Variants in RYR2 observed in about 807,000 individuals in gnomAD.
RYR2 encodes ryanodine receptor 2, also known as cardiac muscle ryanodine receptor-calcium release channel.
RYR2 carries 227 observed loss-of-function variants against 601.1 expected under a neutral mutation model. The observed-to-expected ratio is 0.38, with a 90% CI of 0.34 to 0.42. RYR2 has a LOEUF of 0.42. Among genes scored for constraint, RYR2 ranks in the 10% least tolerant of loss-of-function variants. The pLI is 1.00. For synonymous variants in RYR2, 2,223 were observed against 2,175.1 expected, an observed-to-expected ratio of 1.02 and a Z score of -0.61; for missense variants, 4,646 against 6,156.5, an observed-to-expected ratio of 0.75 and a Z score of 8.21.
At chr1:237,391,803 G>A (rs897332561) in intron 10 of RYR2, among the ~76,000 whole-genome samples, 48 of 152,204 alleles carry the variant, frequency 3.2e-4, no homozygotes, top group Middle Eastern at 6.8e-3. Context: ...CTCTTAGAAT[G>A]AAGAGCATAT....
chr1:237,424,534 A>G (rs1705931945), intron 12 of RYR2, among the ~76,000 whole-genome samples: 1 of 152,230 alleles, frequency 6.6e-6, no homozygotes, highest in Non-Finnish European at 1.5e-5. Context: ...AGTACCATGT[A>G]TAATATATTC....
In RYR2 at chr1:237,263,215, T is replaced by C. The variant is rs142866020; in HGVS notation, c.49-7282T>C. Among the ~76,000 whole-genome samples the C allele has an allele frequency of 4.1e-3, 629 of 152,246 alleles. 5 individuals carry two copies. Among genetic ancestry groups the C allele is most frequent in the African/African-American group, 0.014 (580 of 41,548 alleles). Reference sequence around the variant, plus strand: ...TGGGATCATACAATACCAGCTTTGATTGGAAATTAAATAAGATCTTACCTT... The same window carrying C: ...TGGGATCATACAATACCAGCTTTGACTGGAAATTAAATAAGATCTTACCTT... On this transcript the variant is annotated intron_variant, in intron 1 of 104. Transcript: ENST00000366574.
Position 237,380,407 on chromosome 1 carries a change from TATATATATATATATA to T in RYR2, c.576+2973_576+2987del, listed in dbSNP as rs1701400384. Among the ~76,000 whole-genome samples the T allele has an allele frequency of 3.6e-4, 13 of 36,124 alleles. 1 individual carries two copies. Among genetic ancestry groups the T allele is most frequent in the African/African-American group, 1.3e-3 (13 of 9,798 alleles). The allele number at this position is 36,124 out of a possible 152,430, so 23.7% of individuals were successfully genotyped here. A position where few individuals can be genotyped will look rare whatever the true frequency, so the allele number is the denominator to read the frequency against. On this transcript the variant is annotated intron_variant, in intron 8 of 104. Coordinates refer to ENST00000366574, the MANE Select transcript of RYR2 (RefSeq NM_001035.3). ...ATATATATATATATATATATATATA[TATATATATATATATA>T]GTAAATACGAAGTCTGGTGAGTATG... is the stretch of plus-strand genomic sequence containing the variant.
intron 1 of RYR2, among the ~76,000 whole-genome samples, chr1:237,126,895 A>G (rs1171421198): frequency 6.6e-6 from 1 of 151,352 alleles, no homozygotes; most frequent in Non-Finnish European, 1.5e-5. Flanking sequence ...ACAAGTGAAC[A>G]AAGGTCTCTG....
chr1:237,342,316 T>A (rs1246521914), intron 3 of RYR2, among the ~76,000 whole-genome samples: 2 of 110,336 alleles, frequency 1.8e-5, no homozygotes, highest in African/African-American at 6.1e-5. Flanking sequence ...CTAATTAATT[T>A]TTTTTTTTTT....
At position 237,350,571 on chromosome 1, in the gene RYR2, C is replaced by CAA. The variant is rs1167546068; in HGVS notation, c.274-5363_274-5362dup. Among the ~76,000 whole-genome samples the CAA allele has an allele frequency of 2.0e-3, 55 of 26,954 alleles. 2 individuals are homozygous for CAA. Among genetic ancestry groups the CAA allele is most frequent in the East Asian group, 3.2e-3 (3 of 942 alleles). The allele number at this position is 26,954 out of a possible 152,430, so 17.7% of individuals were successfully genotyped here. A position where few individuals can be genotyped will look rare whatever the true frequency, so the allele number is the denominator to read the frequency against. ...GGGTGACAAAAGTAAGACTCTGTCTCAAAAAAAAAAAAAAAAAAAAAAAAA... is the reference window on the plus strand; with the variant it reads ...GGGTGACAAAAGTAAGACTCTGTCTCAAAAAAAAAAAAAAAAAAAAAAAAAAA... On this transcript the variant is annotated intron_variant, in intron 3 of 104. Coordinates refer to ENST00000366574, the MANE Select transcript of RYR2 (RefSeq NM_001035.3).
intron 2 of RYR2, among the ~76,000 whole-genome samples, chr1:237,311,521 C>A (rs1188076680): frequency 6.6e-6 from 1 of 151,534 alleles, no homozygotes; most frequent in Non-Finnish European, 1.5e-5. Context: ...ACTCTGTGAC[C>A]CAGGCTGGTG....
At chr1:237,580,310 G>A (rs1371617946) in intron 29 of RYR2, among the ~76,000 whole-genome samples, 3 of 151,360 alleles carry the variant, frequency 2.0e-5, no homozygotes, top group Admixed American at 6.6e-5. Context: ...CACACACCAC[G>A]ACGCCTGGCT....
chr1:237,627,465 A>C (rs941446725), intron 40 of RYR2, among the ~76,000 whole-genome samples: 1 of 152,236 alleles, frequency 6.6e-6, no homozygotes, highest in African/African-American at 2.4e-5. Flanking sequence ...GAACAAAACA[A>C]ATAAAAGTAG....
At chr1:237,416,710 A>G (rs1431215813) in intron 10 of RYR2, among the ~76,000 whole-genome samples, 1 of 150,282 alleles carries the variant, frequency 6.7e-6, no homozygotes, top group Non-Finnish European at 1.5e-5. Flanking sequence ...TTAGATGAGT[A>G]AGGTGAAATC....
intron 1 of RYR2, among the ~76,000 whole-genome samples, chr1:237,253,305 C>T (rs1259466226): frequency 6.6e-6 from 1 of 152,122 alleles, no homozygotes; most frequent in Non-Finnish European, 1.5e-5. Flanking sequence ...TGGGGTCATG[C>T]CACTAGACCC....
intron 1 of RYR2, among the ~76,000 whole-genome samples, chr1:237,046,513 C>T (rs569157713): frequency 1.3e-5 from 2 of 152,308 alleles, no homozygotes; most frequent in East Asian, 3.9e-4. Flanking sequence ...GATAGATATG[C>T]ACTATGGTAT....
intron 16 of RYR2, among the ~76,000 whole-genome samples, chr1:237,457,225 C>G (rs1046089115): frequency 1.3e-5 from 2 of 152,096 alleles, no homozygotes; most frequent in Admixed American, 1.3e-4. Context: ...TCCTTACATT[C>G]CCATCTAATC....
At chr1:237,193,165 T>TGCAAAAAAAAAAA (rs1402978522) in intron 1 of RYR2, among the ~76,000 whole-genome samples, 16 of 2,746 alleles carry the variant, frequency 5.8e-3, no homozygotes, top group African/African-American at 9.9e-3. Flanking sequence ...CTGCTAAAAG[T>TGCAAAAAAAAAAA]ACAAAAAAAA....
intron 71 of RYR2, among the ~76,000 whole-genome samples, chr1:237,716,754 CCACACACA>C (rs72260792): frequency 2.2e-4 from 32 of 148,420 alleles, no homozygotes; most frequent in South Asian, 4.3e-4. Context: ...ATATATTAGA[CCACACACA>C]CACACACACA....
At chr1:237,350,571 CAAAAAAAAAAAAAAAAAAA>C (rs1167546068) in intron 3 of RYR2, among the ~76,000 whole-genome samples, 16 of 26,966 alleles carry the variant, frequency 5.9e-4, no homozygotes, top group African/African-American at 1.7e-3. Flanking sequence ...GACTCTGTCT[CAAAAAAAAAAAAAAAAAAA>C]AAAAAAAAAA....
Position 237,422,607 on chromosome 1 carries a change from TTATATA to T in RYR2, c.849-481_849-476del, listed in dbSNP as rs1705707098. Among the ~76,000 whole-genome samples the T allele has an allele frequency of 1.3e-5, 2 of 152,186 alleles. 1 individual carries two copies. The highest frequency in any genetic ancestry group is 4.8e-5 in the African/African-American group (2 of 41,450). On this transcript the variant is annotated intron_variant, in intron 11 of 104. Coordinates refer to ENST00000366574, the MANE Select transcript of RYR2 (RefSeq NM_001035.3). ...ATATAGTCTAACTATAGACTTCAGT[TTATATA>T]TATGAGTTCCAATTAATCATACTTA...
At chr1:237,463,850 A>G (rs926312386) in intron 16 of RYR2, among the ~76,000 whole-genome samples, 6 of 152,188 alleles carry the variant, frequency 3.9e-5, no homozygotes, top group Non-Finnish European at 7.3e-5. Context: ...AATGAAAGCC[A>G]CTACAGATAC....
At chr1:237,245,135 T>G (rs753917326) in intron 1 of RYR2, among the ~76,000 whole-genome samples, 1 of 151,992 alleles carries the variant, frequency 6.6e-6, no homozygotes, top group Non-Finnish European at 1.5e-5. Context: ...GAGGATCCCT[T>G]GAGCCCAGGA....
Sources: allele counts gnomAD v4.1 joint callset (sites outside exome capture counted in the v4.1 genomes callset), GRCh38; gene constraint gnomAD v4.1.1; transcripts MANE v1.5; gene names NCBI Gene and HGNC (gene_info 2026-07-23, HGNC 2026-07-21).